The following GRIN3A variants were observed in gnomAD, a reference collection of about 807,000 sequenced individuals.
The protein encoded by GRIN3A is glutamate receptor ionotropic, NMDA 3A.
A neutral mutation model predicts 92.4 loss-of-function variants in GRIN3A; 47 were observed. That is an observed-to-expected ratio of 0.51 (90% confidence interval 0.40 to 0.65). GRIN3A has a LOEUF of 0.65. GRIN3A is among the 30% of genes least tolerant of loss of function. The pLI is 0.00. For synonymous variants in GRIN3A, 527 were observed against 540.6 expected (o/e 0.97, Z 0.35); for missense variants, 1,324 against 1,393.1 (o/e 0.95, Z 0.79).
rs562328555 is a variant in GRIN3A, at chr9:101,616,961, G to A, written c.2615-3434C>T. Reference sequence around the variant, plus strand: ...CACGCCAGTAATCTCGGCACTTTGGGAGGCCAAGGTGGCCGGATCACGAGA... The same window carrying A: ...CACGCCAGTAATCTCGGCACTTTGGAAGGCCAAGGTGGCCGGATCACGAGA... On this transcript the variant is annotated intron_variant, in intron 5 of 8. Transcript: ENST00000361820. Among the ~76,000 whole-genome samples the A allele has an allele frequency of 2.0e-5, 3 of 151,122 alleles. No individual in the cohort carries two copies. The South Asian group carries it at 6.3e-4, about 32-fold the overall frequency.
rs1446578958 is a variant in GRIN3A at position 101,588,518 on chromosome 9, G to T, written c.2767-9158C>A. ...TAAGCTTGGGCGACCATCTTTTAGG[G>T]TTGAAATTGTACTTAATTTGCCACA... On this transcript the variant is annotated intron_variant, in intron 6 of 8. Coordinates refer to ENST00000361820, the MANE Select transcript of GRIN3A (RefSeq NM_133445.3). 3.3e-5 allele frequency among the ~76,000 whole-genome samples: 5 copies of T among 151,446 alleles called. No individual in the cohort carries two copies. In the East Asian group the frequency reaches 9.9e-4, roughly 30 times the overall value.
chr9:101,679,580 A>C lies in GRIN3A; in HGVS notation c.1304+7016T>G, dbSNP rs201148783. 2.6e-5 allele frequency among the ~76,000 whole-genome samples: 4 copies of C among 152,206 alleles called. No individual in the cohort carries two copies. The East Asian group carries it at 7.7e-4, about 29-fold the overall frequency. ...TTCCAGCCAGATCATTCGGCTGACA[A>C]GGGTTCCTACTGAAAACATCTGAAC... On this transcript the variant is annotated intron_variant, in intron 2 of 8. Coordinates refer to ENST00000361820, the MANE Select transcript of GRIN3A (RefSeq NM_133445.3).
chr9:101,696,141 G>A (rs565389128), intron 1 of GRIN3A, among the ~76,000 whole-genome samples: 5 of 152,144 alleles, frequency 3.3e-5, no homozygotes, highest in Non-Finnish European at 5.9e-5. Context: ...TTAGAGATCC[G>A]GACTCTTGTC....
intron 2 of GRIN3A, among the ~76,000 whole-genome samples, chr9:101,671,335 T>G (rs1829321653): frequency 6.6e-6 from 1 of 152,210 alleles, no homozygotes; most frequent in African/African-American, 2.4e-5. Flanking sequence ...GTTCTAATAT[T>G]CTAGCCAGGT....
intron 6 of GRIN3A, among the ~76,000 whole-genome samples, chr9:101,580,296 T>C (rs1827872165): frequency 6.6e-6 from 1 of 152,168 alleles, no homozygotes; most frequent in Admixed American, 6.5e-5. Flanking sequence ...AAAGATCTCC[T>C]GGCCAAATTT....
At chr9:101,665,800 C>A (rs1444468253) in intron 3 of GRIN3A, among the ~76,000 whole-genome samples, 2 of 151,894 alleles carry the variant, frequency 1.3e-5, no homozygotes, top group African/African-American at 4.8e-5. Context: ...GAAAAATACT[C>A]AAAAAATTAA....
At chr9:101,613,226 T>C (rs1192202983) in intron 6 of GRIN3A, 150 bp downstream of exon 6, 1 of 890,864 alleles carries the variant, frequency 1.1e-6, no homozygotes, top group Non-Finnish European at 1.8e-6. Flanking sequence ...AATGGACGCT[T>C]TTTGGACAAA....
In GRIN3A at chr9:101,595,184, A is replaced by G. The variant is rs368375513; in HGVS notation, c.2767-15824T>C. On this transcript the variant is annotated intron_variant, in intron 6 of 8. Transcript: ENST00000361820. ...CTGGGCAGGAGTATAGGGAGGAGAGAATGGAGCCTGGGGGTGCCCGGGAGA... is the reference window on the plus strand; with the variant it reads ...CTGGGCAGGAGTATAGGGAGGAGAGGATGGAGCCTGGGGGTGCCCGGGAGA... Among the ~76,000 whole-genome samples, 17 of 151,544 alleles carry G rather than the reference A, an allele frequency of 1.1e-4. No homozygotes were observed. In the East Asian group the frequency reaches 3.1e-3, roughly 28 times the overall value.
At chr9:101,585,330 T>C (rs1018590561) in intron 6 of GRIN3A, among the ~76,000 whole-genome samples, 6 of 152,246 alleles carry the variant, frequency 3.9e-5, no homozygotes, top group Admixed American at 2.6e-4. Context: ...AACATAGGCA[T>C]GCTTTCAGTT....
intron 3 of GRIN3A, among the ~76,000 whole-genome samples, chr9:101,640,451 A>T (rs1761046725): frequency 6.6e-6 from 1 of 152,244 alleles, no homozygotes; most frequent in South Asian, 2.1e-4. Context: ...TTTGCAGTTG[A>T]GATAAATGAG....
intron 1 of GRIN3A, among the ~76,000 whole-genome samples, chr9:101,693,285 T>G (rs928419441): frequency 6.7e-6 from 1 of 148,220 alleles, no homozygotes; most frequent in Non-Finnish European, 1.5e-5. Context: ...CACGGAGGGG[T>G]CACACGTGCC....
chr9:101,634,244 A>G (rs946787907), intron 3 of GRIN3A, among the ~76,000 whole-genome samples: 1 of 148,676 alleles, frequency 6.7e-6, no homozygotes, highest in African/African-American at 2.5e-5. Flanking sequence ...GAGGCAGGGG[A>G]ATGGCGTGAA....
chr9:101,602,308 CAGTATTTTGT>C (rs1177386249), intron 6 of GRIN3A, among the ~76,000 whole-genome samples: 1 of 152,146 alleles, frequency 6.6e-6, no homozygotes, highest in Non-Finnish European at 1.5e-5. Flanking sequence ...ATGGCTTTTG[CAGTATTTTGT>C]AACAACTCGC....
At chr9:101,586,816 A>C (rs1166396158) in intron 6 of GRIN3A, among the ~76,000 whole-genome samples, 2 of 152,184 alleles carry the variant, frequency 1.3e-5, no homozygotes, top group Non-Finnish European at 2.9e-5. Flanking sequence ...GTCAATGTGA[A>C]TCTGAAACAG....
intron 1 of GRIN3A, among the ~76,000 whole-genome samples, chr9:101,688,582 C>T (rs1387888588): frequency 6.6e-6 from 1 of 152,088 alleles, no homozygotes; most frequent in Non-Finnish European, 1.5e-5. Flanking sequence ...AAGTGTTCTA[C>T]TGCTGTTCAT....
At chr9:101,688,322 A>G (rs1036753301) in intron 1 of GRIN3A, among the ~76,000 whole-genome samples, 1 of 152,226 alleles carries the variant, frequency 6.6e-6, no homozygotes, top group Non-Finnish European at 1.5e-5. Flanking sequence ...TACATGTAGA[A>G]TAAAAAGTGA....
At chr9:101,588,997 G>A (rs916153260) in intron 6 of GRIN3A, among the ~76,000 whole-genome samples, 6 of 151,372 alleles carry the variant, frequency 4.0e-5, no homozygotes, top group Admixed American at 1.3e-4. Flanking sequence ...TTGAGATGGC[G>A]TTTCACTGTG....
intron 1 of GRIN3A, among the ~76,000 whole-genome samples, chr9:101,736,625 C>T (rs1420527367): frequency 1.3e-5 from 2 of 152,100 alleles, no homozygotes; most frequent in Non-Finnish European, 2.9e-5. Context: ...TAAATCTCCC[C>T]GTCCATCTTT....
chr9:101,595,027 T>C, intron 6 of GRIN3A: 1 of 1,346,050 alleles, frequency 7.4e-7, no homozygotes, highest in Non-Finnish European at 9.9e-7. Context: ...GGGGTGGGGG[T>C]AGAGGGCTCC....
Sources: gnomAD v4.1 joint callset for allele counts (sites outside exome capture counted in the v4.1 genomes callset) on GRCh38, gnomAD v4.1.1 for gene constraint, MANE v1.5 for transcripts, NCBI Gene and HGNC (gene_info 2026-07-23, HGNC 2026-07-21) for gene names.